The following TMEM41B variants were observed in gnomAD, a reference collection of about 807,000 sequenced individuals.
TMEM41B encodes transmembrane protein 41B.
TMEM41B carries 18 observed loss-of-function variants against 31.9 expected under a neutral mutation model. That is an observed-to-expected ratio of 0.56 (90% confidence interval 0.39 to 0.84). TMEM41B has a LOEUF of 0.84. TMEM41B is among the 40% of genes least tolerant of loss of function. TMEM41B has a pLI of 0.00. For synonymous variants in TMEM41B, 144 were observed against 124.3 expected, an observed-to-expected ratio of 1.16 and a Z score of -1.05; for missense variants, 322 against 348.0, an observed-to-expected ratio of 0.93 and a Z score of 0.59.
chr11:9,296,603 C>CAAAAAAAAAAAAAAAAAAA (rs1164835040), intron 2 of TMEM41B, among the ~76,000 whole-genome samples: 1 of 118,904 alleles, frequency 8.4e-6, no homozygotes, highest in African/African-American at 3.6e-5. Flanking sequence ...GACTCCGTCT[C>CAAAAAAAAAAAAAAAAAAA]AAAAAAAAAA....
At chr11:9,312,402 G>T (rs1450667425) in intron 1 of TMEM41B, among the ~76,000 whole-genome samples, 1 of 152,200 alleles carries the variant, frequency 6.6e-6, no homozygotes, top group East Asian at 1.9e-4. Context: ...TGAGGGGGCT[G>T]AGGTGGGAAG....
intron 3 of TMEM41B, among the ~76,000 whole-genome samples, chr11:9,293,521 T>C (rs1196537848): frequency 1.3e-5 from 2 of 152,238 alleles, no homozygotes; most frequent in East Asian, 3.8e-4. Flanking sequence ...GTTCTTTCAC[T>C]TATCTGTATA....
chr11:9,292,852 G>C (rs1852989729), intron 3 of TMEM41B, among the ~76,000 whole-genome samples: 1 of 151,992 alleles, frequency 6.6e-6, no homozygotes, highest in Admixed American at 6.6e-5. Flanking sequence ...TTCCATAGTA[G>C]CTGCATCATT....
At position 9,314,469 on chromosome 11, in the gene TMEM41B, C is replaced by T. The variant is rs527431026; in HGVS notation, c.-28G>A. On this transcript the variant is annotated 5_prime_UTR_variant, in exon 1 of 7. Coordinates refer to ENST00000528080, the MANE Select transcript of TMEM41B (RefSeq NM_015012.4). ...CTGCTGCAAGGTGAAGGGAGCGGTG[C>T]GGTGCCGCGCCCCCTAAACAACAAA... is the stretch of plus-strand genomic sequence containing the variant. 25 of 1,539,428 alleles carry T rather than the reference C, an allele frequency of 1.6e-5. No homozygotes were observed. The Admixed American group carries it at 2.4e-4, about 15-fold the overall frequency.
At chr11:9,297,697 AT>A in intron 2 of TMEM41B, among the ~76,000 whole-genome samples, 1 of 152,020 alleles carries the variant, frequency 6.6e-6, no homozygotes, top group Non-Finnish European at 1.5e-5. Flanking sequence ...TCTCAAAAAA[AT>A]AAATAAATAA....
At position 9,314,338 on chromosome 11, in the gene TMEM41B, C is replaced by A. The variant is rs1853637778; in HGVS notation, c.104G>T (p.Ser35Ile). 7 of 1,596,904 alleles carry A rather than the reference C, an allele frequency of 4.4e-6. No homozygotes were observed. The highest frequency in any genetic ancestry group is 6.0e-6 in the Non-Finnish European group (7 of 1,174,702). The change falls in exon 1 of 7, where the codon AGC (serine) becomes ATC (isoleucine). Residue 35 changes from serine (S) to isoleucine (I), a missense_variant. By Grantham distance (142) the Ser-to-Ile change is moderately radical. Around this residue, in one of 3 missense-constraint regions of TMEM41B, gnomAD observed 183 missense variants for 175.3 expected, o/e 1.04. Transcript: ENST00000528080. ...AGTRGLAAPGSRDHQKEKSWV... is the reference protein window; with the variant it reads ...AGTRGLAAPGIRDHQKEKSWV... Reference sequence around the variant, plus strand: ...CCACTCACCCTTCTGGTGGTCTCTGCTGCCAGGCGCCGCGAGACCCCGCGT... The same window carrying A: ...CCACTCACCCTTCTGGTGGTCTCTGATGCCAGGCGCCGCGAGACCCCGCGT...
chr11:9,308,014 G>A (rs1004879032), intron 1 of TMEM41B, among the ~76,000 whole-genome samples: 8 of 152,098 alleles, frequency 5.3e-5, no homozygotes, highest in African/African-American at 1.4e-4. Flanking sequence ...GGGATTACAG[G>A]CGTGAGCCAC....
chr11:9,312,225 C>T (rs1006955486), intron 1 of TMEM41B, among the ~76,000 whole-genome samples: 1 of 152,244 alleles, frequency 6.6e-6, no homozygotes, highest in African/African-American at 2.4e-5. Context: ...CTTATCCAAA[C>T]CTTACTTATC....
intron 2 of TMEM41B, among the ~76,000 whole-genome samples, chr11:9,297,765 G>A (rs1176510356): frequency 1.3e-5 from 2 of 151,970 alleles, no homozygotes. Flanking sequence ...CAAACTCCTG[G>A]ATTCAAGTGA....
At chr11:9,284,653 C>G (rs1390638439) in intron 6 of TMEM41B, among the ~76,000 whole-genome samples, 1 of 151,886 alleles carries the variant, frequency 6.6e-6, no homozygotes, top group African/African-American at 2.4e-5. Context: ...ATCCCAGCTA[C>G]TTGGGAGGCT....
At chr11:9,310,500 T>G (rs1231343443) in intron 1 of TMEM41B, among the ~76,000 whole-genome samples, 4 of 152,146 alleles carry the variant, frequency 2.6e-5, no homozygotes, top group Non-Finnish European at 5.9e-5. Context: ...TTCACACCCC[T>G]CACAAGGGTC....
chr11:9,304,436 G>A (rs1228227109), intron 1 of TMEM41B, among the ~76,000 whole-genome samples: 1 of 151,924 alleles, frequency 6.6e-6, no homozygotes, highest in Non-Finnish European at 1.5e-5. Flanking sequence ...AATAAAAAAC[G>A]TTGTTTTGGT....
chr11:9,314,367 C>G lies in TMEM41B; in HGVS notation c.75G>C (p.Ala25=), dbSNP rs761879235. The part of the protein sequence containing the change: ...HHTTPVGDGA[A]GTRGLAAPGS... Reference sequence around the variant, plus strand: ...CAGGCGCCGCGAGACCCCGCGTCCCCGCTGCCCCGTCCCCCACGGGGGTCG... The same window carrying G: ...CAGGCGCCGCGAGACCCCGCGTCCCGGCTGCCCCGTCCCCCACGGGGGTCG... The change falls in exon 1 of 7, where the codon GCG becomes GCC. Residue 25 remains alanine, a synonymous_variant. Transcript: ENST00000528080. 3 of 1,586,244 alleles carry G rather than the reference C, an allele frequency of 1.9e-6. No individual in the cohort carries two copies. Among genetic ancestry groups the G allele is most frequent in the Non-Finnish European group, 2.6e-6 (3 of 1,167,558 alleles).
chr11:9,285,040 G>A (rs1016362480), intron 6 of TMEM41B, among the ~76,000 whole-genome samples: 4 of 150,464 alleles, frequency 2.7e-5, no homozygotes, highest in Non-Finnish European at 4.4e-5. Flanking sequence ...CCATGCTGAT[G>A]TAAGTTTGTC....
rs773835325 is a variant in TMEM41B at position 9,295,261 on chromosome 11, A to T, written c.366T>A (p.Ile122=). 5.2e-6 allele frequency: 8 copies of T among 1,552,024 alleles called. No individual in the cohort carries two copies. The highest frequency in any genetic ancestry group is 5.2e-6 in the Non-Finnish European group (6 of 1,143,920). ...QVLVAYFATY[I]FLQTFAIPGS... ...CATTTTTTCAGTTAAAAGGATACAA[A>T]ATATATGTAGCAAAATAAGCTACAA... Residue 122 remains isoleucine (I), a splice_region_variant and synonymous_variant, in exon 3 of 7, where the codon ATT becomes ATA. Transcript: ENST00000528080.
chr11:9,305,134 T>G (rs1260764918), intron 1 of TMEM41B, among the ~76,000 whole-genome samples: 2 of 152,134 alleles, frequency 1.3e-5, no homozygotes, highest in African/African-American at 4.8e-5. Context: ...AAGGCTAAAA[T>G]AGTTATTTTT....
At chr11:9,307,388 T>C (rs976070902) in intron 1 of TMEM41B, among the ~76,000 whole-genome samples, 8 of 152,182 alleles carry the variant, frequency 5.3e-5, no homozygotes, top group African/African-American at 1.9e-4. Flanking sequence ...AAAAAATTAA[T>C]TGAAAATGGT....
At position 9,311,287 on chromosome 11, in the gene TMEM41B, A is replaced by T; in HGVS notation, c.121+3034T>A. 2.0e-6 allele frequency: 3 copies of T among 1,515,608 alleles called. 1 individual carries two copies. In the East Asian group the frequency reaches 8.4e-5, roughly 42 times the overall value. The allele number at this position is 1,515,608 out of a possible 1,614,324, so 93.9% of individuals were successfully genotyped here. On this transcript the variant is annotated intron_variant, in intron 1 of 6. Coordinates refer to ENST00000528080, the MANE Select transcript of TMEM41B (RefSeq NM_015012.4). ...GGACCCAGGGCCTGTATTCAGTCAG[A>T]ATCACTGCTGGAAGAGGAGGAGGAA...
At chr11:9,283,839 C>T (rs116827932) in intron 6 of TMEM41B, among the ~76,000 whole-genome samples, 3,578 of 151,332 alleles carry the variant, frequency 0.024, 132 homozygotes, top group African/African-American at 0.082. Flanking sequence ...CGCTGGAACA[C>T]GATGGCGCGA....
Sources: allele counts gnomAD v4.1 joint callset (sites outside exome capture counted in the v4.1 genomes callset), GRCh38; gene constraint gnomAD v4.1.1; regional missense constraint gnomAD v4.1.1; transcripts MANE v1.5; gene names NCBI Gene and HGNC (gene_info 2026-07-23, HGNC 2026-07-21).